CTR9: variants seen among roughly 807,000 people sequenced by gnomAD.
CTR9 encodes CTR9 component of Paf1/RNA polymerase II complex.
A neutral mutation model predicts 152.1 loss-of-function variants in CTR9; 41 were observed. That is an observed-to-expected ratio of 0.27 (90% CI 0.21 to 0.35). CTR9 has a LOEUF of 0.35. CTR9 is among the 10% of genes least tolerant of loss of function. The probability of loss-of-function intolerance (pLI) is 1.00; values close to 1 mark genes in which losing one functional copy is unlikely to be tolerated. For synonymous variants in CTR9, 476 were observed against 496.2 expected, an observed-to-expected ratio of 0.96 and a Z score of 0.54; for missense variants, 917 against 1,424.4, an observed-to-expected ratio of 0.64 and a Z score of 5.73.
chr11:10,774,900 AAGTCTGG>A (rs146331465), intron 22 of CTR9, among the ~76,000 whole-genome samples: 3,705 of 152,300 alleles, frequency 0.024, 144 homozygotes, highest in African/African-American at 0.084. Context: ...AAAGACGTTG[AAGTCTGG>A]AGCCTGGGTC....
rs1863288613 is a variant in CTR9, at chr11:10,779,002, A to G, written c.3419A>G (p.Asn1140Ser). The change falls in exon 25 of 25, where the codon AAT becomes AGT. Residue 1140 changes from asparagine (N) to serine (S), a missense_variant. Asn to Ser is a conservative substitution (Grantham distance 46). Transcript: ENST00000361367. ...SDHESERGSD[N>S]EGSGQGSGNE... ...CACGAATCGGAGAGAGGATCTGATA[A>G]TGAGGGTTCTGGCCAAGGCTCTGGA... The G allele has an allele frequency of 1.9e-6, 3 of 1,614,174 alleles. No individual in the cohort carries two copies. Among genetic ancestry groups the G allele is most frequent in the Non-Finnish European group, 1.7e-6 (2 of 1,180,034 alleles).
At chr11:10,771,820 C>T (rs1484755468) in intron 19 of CTR9, among the ~76,000 whole-genome samples, 1 of 152,088 alleles carries the variant, frequency 6.6e-6, no homozygotes, top group Non-Finnish European at 1.5e-5. Flanking sequence ...TACTTGAGTT[C>T]TGGGGGAAAA....
At chr11:10,751,941 T>C (rs1372992189) in intron 1 of CTR9, among the ~76,000 whole-genome samples, 1 of 152,070 alleles carries the variant, frequency 6.6e-6, no homozygotes, top group Non-Finnish European at 1.5e-5. Context: ...CCAACTCTCC[T>C]TCAACGAGAT....
intron 22 of CTR9, 111 bp from the exon 23 acceptor site, chr11:10,775,096 C>T: frequency 5.0e-6 from 4 of 799,998 alleles, no homozygotes; most frequent in South Asian, 1.7e-5. Context: ...TGATTGAGGA[C>T]AGCACCCATA....
chr11:10,755,105 C>A lies in CTR9; in HGVS notation c.292C>A (p.Arg98=). The change falls in exon 3 of 25, where the codon CGG becomes AGG. Residue 98 remains arginine (R), a synonymous_variant. Coordinates refer to ENST00000361367, the MANE Select transcript of CTR9 (RefSeq NM_014633.5). ...GGCAGCGTATTATGTACAACAGGCT[C>A]GGAAAGAAAAGAATAAGGACAATAA... ...TLAAYYVQQA[R]KEKNKDNKKD... is the part of the protein sequence containing the mutation. 1.2e-6 allele frequency: 2 copies of A among 1,613,800 alleles called. No individual in the cohort carries two copies. The highest frequency in any genetic ancestry group is 1.7e-5 in the Admixed American group (1 of 59,988).
In CTR9 at chr11:10,767,829, G is replaced by C. The variant is rs1378154806; in HGVS notation, c.1710G>C (p.Leu570Phe). ...INQDHPDAWS[L>F]IGNLHLAKQE... is the part of the protein sequence containing the mutation. ...AGGATCATCCAGATGCTTGGTCTTTGATTGGCAATCTTCATTTGGCAAAAC... is the reference window on the plus strand; with the variant it reads ...AGGATCATCCAGATGCTTGGTCTTTCATTGGCAATCTTCATTTGGCAAAAC... The change falls in exon 14 of 25, where the codon TTG (leucine) becomes TTC (phenylalanine). Residue 570 changes from leucine to phenylalanine, a missense_variant. By Grantham distance (22) the Leu-to-Phe change is conservative. Around this residue, in one of 9 missense-constraint regions of CTR9, gnomAD observed 87 missense variants for 235.7 expected, o/e 0.37. Coordinates refer to ENST00000361367, the MANE Select transcript of CTR9 (RefSeq NM_014633.5). This position sits in a 1 kb window ranked among gnomAD's most constrained non-coding sequence, Gnocchi z 4.0. 3 of 1,613,984 alleles carry C rather than the reference G, an allele frequency of 1.9e-6. No homozygotes were observed. The South Asian group carries it at 3.3e-5, about 18-fold the overall frequency.
intron 10 of CTR9, 32 bp from the exon 11 acceptor site, chr11:10,764,276 T>G (rs552799497): frequency 1.2e-6 from 2 of 1,613,942 alleles, no homozygotes; most frequent in East Asian, 4.5e-5. Context: ...CTCTTCCACT[T>G]ACACCTTTTT....
intron 19 of CTR9, 107 bp from the exon 20 acceptor site, chr11:10,772,413 C>G (rs1863157762): frequency 5.3e-6 from 5 of 935,332 alleles, no homozygotes. Context: ...CATAGATCAG[C>G]TAATGGTCCT....
intron 22 of CTR9, 22 bp downstream of exon 22, chr11:10,774,191 T>C: frequency 6.3e-7 from 1 of 1,591,100 alleles, no homozygotes; most frequent in Non-Finnish European, 8.5e-7. Flanking sequence ...ATTAATGTGC[T>C]TTAAGTAACC....
chr11:10,773,445 A>G (rs566683805), intron 21 of CTR9, among the ~76,000 whole-genome samples, 172 bp downstream of exon 21: 1 of 152,338 alleles, frequency 6.6e-6, no homozygotes. Context: ...GTATTTAGCA[A>G]TGCATTCCAA....
chr11:10,773,113 A>G lies in CTR9; in HGVS notation c.2581-14A>G, dbSNP rs1484603224. ...TTTGCAGTGGGGTTTCTTTTCTACC[A>G]TTTTTCCTCATAGGAAGAGAAACGT... On this transcript the variant is annotated splice_polypyrimidine_tract_variant and intron_variant, in intron 20 of 24. Transcript: ENST00000361367. 1.9e-6 allele frequency: 3 copies of G among 1,584,680 alleles called. No individual in the cohort carries two copies. The highest frequency in any genetic ancestry group is 2.0e-5 in the Admixed American group (1 of 49,302).
chr11:10,768,679 C>T (rs1011849401), intron 16 of CTR9, among the ~76,000 whole-genome samples, 188 bp downstream of exon 16: 2 of 152,164 alleles, frequency 1.3e-5, no homozygotes, highest in African/African-American at 2.4e-5. Flanking sequence ...GTCCTGGTTC[C>T]ACCACTAATT....
chr11:10,760,640 GATTTCAGA>G (rs1215189051), intron 6 of CTR9, among the ~76,000 whole-genome samples: 12 of 151,028 alleles, frequency 7.9e-5, no homozygotes, highest in Non-Finnish European at 1.2e-4. Flanking sequence ...AAGGCATTTA[GATTTCAGA>G]ATCTCAGATA....
At chr11:10,775,099 C>A in intron 22 of CTR9, 108 bp from the exon 23 acceptor site, 1 of 817,398 alleles carries the variant, frequency 1.2e-6, no homozygotes, top group Non-Finnish European at 2.0e-6. Context: ...TTGAGGACAG[C>A]ACCCATATAG....
intron 21 of CTR9, among the ~76,000 whole-genome samples, chr11:10,773,807 C>G (rs544855499): frequency 2.0e-5 from 3 of 151,610 alleles, no homozygotes; most frequent in Non-Finnish European, 2.9e-5. Flanking sequence ...ATCACTTGAA[C>G]CCAAGAGGCA....
rs200587530 is a variant in CTR9, at chr11:10,763,580, T to A, written c.957+42T>A. 7.0e-6 allele frequency: 11 copies of A among 1,563,522 alleles called. No homozygotes were observed. The Admixed American group carries it at 2.0e-4, about 28-fold the overall frequency. ...TCTAAATGTCTAATCTTTTTACTTA[T>A]AGTGTTTTAAGTCTTTCCAATACTT... is the stretch of plus-strand genomic sequence containing the variant. On this transcript the variant is annotated intron_variant, in intron 8 of 24. Transcript: ENST00000361367.
At position 10,756,789 on chromosome 11, in the gene CTR9, A is replaced by G; in HGVS notation, c.543A>G (p.Gly181=). 6.2e-7 allele frequency: 1 copy of G among 1,611,796 alleles called. No homozygotes were observed. Residue 181 remains glycine, a synonymous_variant, in exon 5 of 25, where the codon GGA becomes GGG. Coordinates refer to ENST00000361367, the MANE Select transcript of CTR9 (RefSeq NM_014633.5). ...CISFNKKDYR[G]ALAYYKKALR... ...CCTTCAACAAGAAGGATTACAGAGG[A>G]GCTCTTGCTTACTATAAGAAAGCAT...
chr11:10,764,019 A>G (rs1863019188), intron 9 of CTR9, 93 bp from the exon 10 acceptor site: 3 of 1,387,528 alleles, frequency 2.2e-6, no homozygotes, highest in African/African-American at 1.4e-5. Flanking sequence ...ATAACAAACA[A>G]TGGATTTATT....
chr11:10,758,420 T>A (rs1300672805), intron 5 of CTR9, among the ~76,000 whole-genome samples: 1 of 152,108 alleles, frequency 6.6e-6, no homozygotes, highest in Admixed American at 6.5e-5. Context: ...AGATTCTACA[T>A]GTATTTTGAA....
Sources: allele counts gnomAD v4.1 joint callset (sites outside exome capture counted in the v4.1 genomes callset), GRCh38; gene constraint gnomAD v4.1.1; regional missense constraint gnomAD v4.1.1; non-coding constraint Gnocchi (gnomAD v3.1); transcripts MANE v1.5; gene names NCBI Gene and HGNC (gene_info 2026-07-23, HGNC 2026-07-21).